C8orf34: variants seen among roughly 807,000 people sequenced by gnomAD.
C8orf34 encodes the protein uncharacterized protein C8orf34.
In C8orf34, 65 loss-of-function variants were observed where a neutral mutation model predicts 68.3. The ratio of observed to expected loss-of-function variants is 0.95; its 90% CI spans 0.78 to 1.17. The LOEUF (loss-of-function observed/expected upper bound fraction) is 1.17, where lower values mean the gene tolerates loss of function less well. Among genes scored for constraint, C8orf34 ranks in the 50% most tolerant of loss-of-function variants. The pLI, the probability that C8orf34 is intolerant of heterozygous loss-of-function variation, is 0.00. For synonymous variants in C8orf34, 244 were observed against 241.2 expected (o/e 1.01, Z -0.11); for missense variants, 664 against 655.4 (o/e 1.01, Z -0.14).
At chr8:68,704,130 ATCC>A (rs1163354041) in intron 8 of C8orf34, among the ~76,000 whole-genome samples, 1 of 152,168 alleles carries the variant, frequency 6.6e-6, no homozygotes, top group African/African-American at 2.4e-5. Flanking sequence ...GAAAAACAAA[ATCC>A]TTTCCTTTAA....
chr8:68,492,204 T>C (rs1437978269), intron 5 of C8orf34, among the ~76,000 whole-genome samples: 1 of 152,090 alleles, frequency 6.6e-6, no homozygotes, highest in Non-Finnish European at 1.5e-5. Flanking sequence ...TAAGCCCAAA[T>C]TTCTTTTTTA....
At chr8:68,383,880 A>T (rs11993131) in intron 1 of C8orf34, among the ~76,000 whole-genome samples, 1 of 152,208 alleles carries the variant, frequency 6.6e-6, no homozygotes, top group Non-Finnish European at 1.5e-5. Flanking sequence ...TGTTTGTATC[A>T]TTAAGCAGTC....
At chr8:68,748,490 G>T in intron 10 of C8orf34, among the ~76,000 whole-genome samples, 1 of 151,506 alleles carries the variant, frequency 6.6e-6, no homozygotes, top group Non-Finnish European at 1.5e-5. Context: ...CTACTCATCT[G>T]ACAAAGGGCT....
intron 7 of C8orf34, among the ~76,000 whole-genome samples, chr8:68,553,680 G>A (rs1165650025): frequency 1.3e-5 from 2 of 151,914 alleles, no homozygotes; most frequent in Non-Finnish European, 2.9e-5. Context: ...ATATCCGTAT[G>A]GTCAGTAGCC....
intron 8 of C8orf34, among the ~76,000 whole-genome samples, chr8:68,672,380 T>A (rs1820041495): frequency 6.6e-6 from 1 of 151,750 alleles, no homozygotes; most frequent in Non-Finnish European, 1.5e-5. Flanking sequence ...AAGGAAAGAG[T>A]CTTCAATTGC....
At chr8:68,596,085 T>G (rs1309755047) in intron 7 of C8orf34, among the ~76,000 whole-genome samples, 1 of 152,170 alleles carries the variant, frequency 6.6e-6, no homozygotes, top group Non-Finnish European at 1.5e-5. Context: ...GCGTTTCTTT[T>G]TATTGTACTT....
chr8:68,602,842 CT>C lies in C8orf34; in HGVS notation c.1106-37529del, dbSNP rs1403340819. The stretch of plus-strand genomic sequence containing the variant: ...CAGAGAGGGGAAGTCGTTCTGTTGG[CT>C]TTTTGCTGAGGTAGGGCAGGTATTG... On this transcript the variant is annotated intron_variant, in intron 7 of 13. Coordinates refer to ENST00000518698, the MANE Select transcript of C8orf34 (RefSeq NM_052958.4). Among the ~76,000 whole-genome samples, 10 of 152,072 alleles carry C rather than the reference CT, an allele frequency of 6.6e-5. No homozygotes were observed. The East Asian group carries it at 1.9e-3, about 29-fold the overall frequency.
At chr8:68,420,677 CA>C (rs1809927816) in intron 1 of C8orf34, among the ~76,000 whole-genome samples, 1 of 152,010 alleles carries the variant, frequency 6.6e-6, no homozygotes, top group African/African-American at 2.4e-5. Context: ...TTACTATGTT[CA>C]GGGGATAGAG....
At chr8:68,538,497 C>G (rs1402093263) in intron 7 of C8orf34, among the ~76,000 whole-genome samples, 1 of 149,024 alleles carries the variant, frequency 6.7e-6, no homozygotes, top group African/African-American at 2.5e-5. Context: ...TCATGGCTAA[C>G]AGGAATATTT....
At chr8:68,638,315 T>C (rs1355340643) in intron 7 of C8orf34, among the ~76,000 whole-genome samples, 3 of 142,588 alleles carry the variant, frequency 2.1e-5, no homozygotes, top group African/African-American at 5.3e-5. Context: ...AACTTTTTTT[T>C]TTCTTTTTTT....
At chr8:68,510,071 C>T (rs73683538) in intron 5 of C8orf34, among the ~76,000 whole-genome samples, 18,177 of 152,106 alleles carry the variant, frequency 0.12, 1,097 homozygotes, top group East Asian at 0.17. Flanking sequence ...TAACATCTGT[C>T]GTTGTCTGCC....
At chr8:68,616,495 G>A (rs983279044) in intron 7 of C8orf34, among the ~76,000 whole-genome samples, 1 of 152,124 alleles carries the variant, frequency 6.6e-6, no homozygotes, top group Non-Finnish European at 1.5e-5. Flanking sequence ...TTGTGTCTTT[G>A]TCCTCATTGG....
intron 10 of C8orf34, 70 bp from the exon 11 acceptor site, chr8:68,776,329 T>G (rs1229821141): frequency 2.5e-6 from 3 of 1,191,440 alleles, no homozygotes; most frequent in African/African-American, 3.0e-5. Context: ...GATCCCACTC[T>G]CCACGATTCT....
At chr8:68,730,828 A>T (rs1417788083) in intron 10 of C8orf34, among the ~76,000 whole-genome samples, 2 of 152,116 alleles carry the variant, frequency 1.3e-5, no homozygotes, top group Non-Finnish European at 2.9e-5. Flanking sequence ...CTAGGCAAAT[A>T]ATACCCAAGG....
chr8:68,478,873 C>T (rs1436336641), intron 4 of C8orf34, among the ~76,000 whole-genome samples: 1 of 152,148 alleles, frequency 6.6e-6, no homozygotes, highest in Non-Finnish European at 1.5e-5. Flanking sequence ...TCTCCCTCAA[C>T]AAGTGGAAAT....
chr8:68,446,631 T>C, intron 3 of C8orf34, 171 bp downstream of exon 3: 2 of 626,502 alleles, frequency 3.2e-6, no homozygotes, highest in Non-Finnish European at 2.7e-6. Flanking sequence ...TTCATACGTA[T>C]GTATTTGCTT....
At chr8:68,550,914 T>TC (rs986899020) in intron 7 of C8orf34, among the ~76,000 whole-genome samples, 11 of 151,300 alleles carry the variant, frequency 7.3e-5, no homozygotes, top group Admixed American at 6.6e-5. Flanking sequence ...TTGTTCTGCT[T>TC]CCCCCCCTCT....
At chr8:68,352,216 C>A (rs1278543595) in intron 1 of C8orf34, among the ~76,000 whole-genome samples, 2 of 151,836 alleles carry the variant, frequency 1.3e-5, no homozygotes, top group African/African-American at 2.4e-5. Flanking sequence ...ATTAGGAAAT[C>A]TGAATTAACA....
At chr8:68,468,859 C>A (rs933848949) in intron 4 of C8orf34, 39 bp downstream of exon 4, 4 of 1,588,538 alleles carry the variant, frequency 2.5e-6, no homozygotes, top group East Asian at 2.3e-5. Context: ...AACTCCTAAC[C>A]AATATTAAAG....
Sources: gnomAD v4.1 joint callset for allele counts (sites outside exome capture counted in the v4.1 genomes callset) on GRCh38, gnomAD v4.1.1 for gene constraint, MANE v1.5 for transcripts, NCBI Gene and HGNC (gene_info 2026-07-23, HGNC 2026-07-21) for gene names.